The following FGD4 variants were observed in gnomAD, a reference collection of about 807,000 sequenced individuals.
The protein encoded by FGD4 is FYVE, RhoGEF and PH domain containing 4, also known as FYVE, RhoGEF and PH domain-containing protein 4.
Under a neutral mutation model 102.0 loss-of-function variants are expected in FGD4, and 42 were observed. The ratio of observed to expected loss-of-function variants is 0.41; its 90% CI spans 0.32 to 0.53. The LOEUF is 0.53. Among genes scored for constraint, FGD4 ranks in the 20% least tolerant of loss-of-function variants. FGD4 has a pLI of 0.21. For synonymous variants in FGD4, 380 were observed against 375.7 expected (o/e 1.01, Z -0.13); for missense variants, 902 against 1,078.2 (o/e 0.84, Z 2.29).
At chr12:32,446,433 T>G (rs1942618302) in intron 1 of FGD4, among the ~76,000 whole-genome samples, 1 of 152,078 alleles carries the variant, frequency 6.6e-6, no homozygotes, top group Non-Finnish European at 1.5e-5. Context: ...GGGGGTTATG[T>G]CTAATGGCAG....
At chr12:32,516,597 GCATA>G (rs1267265136) in intron 1 of FGD4, among the ~76,000 whole-genome samples, 1 of 152,176 alleles carries the variant, frequency 6.6e-6, no homozygotes, top group Non-Finnish European at 1.5e-5. Flanking sequence ...TTACATTGAT[GCATA>G]TGTAAACTGT....
At chr12:32,459,059 C>T (rs1488907701) in intron 1 of FGD4, among the ~76,000 whole-genome samples, 1 of 152,074 alleles carries the variant, frequency 6.6e-6, no homozygotes, top group Non-Finnish European at 1.5e-5. Context: ...ATGATACCTT[C>T]AGAAATCTCT....
chr12:32,488,685 A>G (rs1943990485), intron 1 of FGD4, among the ~76,000 whole-genome samples: 1 of 152,232 alleles, frequency 6.6e-6, no homozygotes, highest in Non-Finnish European at 1.5e-5. Context: ...TCACGCCTGT[A>G]ATCCTAGCAC....
At chr12:32,418,376 T>C (rs1170538778) in intron 1 of FGD4, among the ~76,000 whole-genome samples, 3 of 151,720 alleles carry the variant, frequency 2.0e-5, no homozygotes, top group Non-Finnish European at 4.4e-5. Context: ...ACTGTCTGGG[T>C]TTGTGCCCAT....
At chr12:32,468,999 T>C (rs921380752) in intron 1 of FGD4, among the ~76,000 whole-genome samples, 9 of 151,958 alleles carry the variant, frequency 5.9e-5, no homozygotes, top group Admixed American at 4.6e-4. Context: ...CAAATTTTTG[T>C]ATTTTTAGTA....
chr12:32,435,612 A>AT lies in FGD4; in HGVS notation c.166+35660dup, dbSNP rs559931639. ...CTCATTAGCGAATATAATTTTGTTG[A>AT]TTTTTTTGGTGCATTATGACACTTT... On this transcript the variant is annotated intron_variant, in intron 1 of 16. Transcript: ENST00000534526. Among the ~76,000 whole-genome samples the AT allele has an allele frequency of 1.4e-3, 215 of 150,870 alleles. 2 individuals are homozygous for AT. Among genetic ancestry groups the AT allele is most frequent in the African/African-American group, 4.6e-3 (189 of 40,922 alleles).
intron 1 of FGD4, among the ~76,000 whole-genome samples, chr12:32,473,768 A>G (rs1221076352): frequency 6.6e-6 from 1 of 152,180 alleles, no homozygotes; most frequent in Non-Finnish European, 1.5e-5. Flanking sequence ...GGAAAATTAC[A>G]TCAGATATTC....
intron 5 of FGD4, among the ~76,000 whole-genome samples, chr12:32,599,710 G>A (rs907450484): frequency 1.3e-5 from 2 of 150,064 alleles, no homozygotes; most frequent in Non-Finnish European, 3.0e-5. Flanking sequence ...ACCCACGCCC[G>A]GCTAATTTTT....
chr12:32,478,717 T>G (rs1194229353), intron 1 of FGD4, among the ~76,000 whole-genome samples: 1 of 152,262 alleles, frequency 6.6e-6, no homozygotes, highest in Non-Finnish European at 1.5e-5. Flanking sequence ...TTCCTCCTTT[T>G]TCTCTCTTTG....
intron 4 of FGD4, among the ~76,000 whole-genome samples, chr12:32,587,406 A>G (rs905684137): frequency 4.6e-5 from 7 of 151,692 alleles, no homozygotes; most frequent in Admixed American, 2.0e-4. Flanking sequence ...ATTTTGAGAC[A>G]GGGTCTCGGT....
chr12:32,637,348 G>A (rs1950895951), intron 15 of FGD4, among the ~76,000 whole-genome samples: 1 of 151,792 alleles, frequency 6.6e-6, no homozygotes, highest in Non-Finnish European at 1.5e-5. Flanking sequence ...TGTAATCCCA[G>A]CACTTTGGGA....
intron 8 of FGD4, 91 bp downstream of exon 8, chr12:32,608,186 T>A: frequency 6.7e-7 from 1 of 1,498,902 alleles, no homozygotes; most frequent in Non-Finnish European, 9.3e-7. Flanking sequence ...ATCTCACAGC[T>A]ACTTTAGTCA....
intron 4 of FGD4, among the ~76,000 whole-genome samples, chr12:32,593,210 T>C (rs1437015147): frequency 1.3e-5 from 2 of 152,182 alleles, no homozygotes; most frequent in African/African-American, 4.8e-5. Flanking sequence ...TTATGTAAAA[T>C]AATTATAACA....
intron 1 of FGD4, among the ~76,000 whole-genome samples, chr12:32,501,103 A>C (rs1370475346): frequency 6.6e-6 from 1 of 152,202 alleles, no homozygotes; most frequent in Non-Finnish European, 1.5e-5. Context: ...CCAGGCTGAA[A>C]TACAGTGATG....
intron 4 of FGD4, among the ~76,000 whole-genome samples, chr12:32,597,715 A>T (rs6488071): frequency 0.012 from 1,799 of 152,192 alleles, 20 homozygotes; most frequent in South Asian, 0.057. Flanking sequence ...AAATAAATAC[A>T]TACTGAAGAA....
intron 4 of FGD4, among the ~76,000 whole-genome samples, chr12:32,595,275 T>C (rs886823092): frequency 2.6e-5 from 4 of 152,186 alleles, no homozygotes; most frequent in African/African-American, 9.7e-5. Context: ...TGCTTAAAAA[T>C]TACTTAGGTT....
chr12:32,421,435 G>A (rs1043114880), intron 1 of FGD4, among the ~76,000 whole-genome samples: 2 of 152,168 alleles, frequency 1.3e-5, no homozygotes, highest in Non-Finnish European at 2.9e-5. Context: ...CCTTTCTGAT[G>A]TTGTCGTAGG....
chr12:32,530,002 A>G (rs1941641742), intron 1 of FGD4, among the ~76,000 whole-genome samples: 1 of 152,126 alleles, frequency 6.6e-6, no homozygotes, highest in Admixed American at 6.6e-5. Flanking sequence ...TAAACATTGT[A>G]GATTTATAGT....
At chr12:32,539,694 G>T (rs1388909926) in intron 1 of FGD4, among the ~76,000 whole-genome samples, 1 of 149,538 alleles carries the variant, frequency 6.7e-6, no homozygotes, top group South Asian at 2.1e-4. Flanking sequence ...TTTAAAATCT[G>T]TAGCCAACAG....
Sources: gnomAD v4.1 joint callset for allele counts (sites outside exome capture counted in the v4.1 genomes callset) on GRCh38, gnomAD v4.1.1 for gene constraint, MANE v1.5 for transcripts, NCBI Gene and HGNC (gene_info 2026-07-23, HGNC 2026-07-21) for gene names.